ILDR1: variants seen among roughly 807,000 people sequenced by gnomAD.
ILDR1 encodes immunoglobulin-like domain-containing receptor 1.
ILDR1 carries 56 observed loss-of-function variants against 62.4 expected under a neutral mutation model. The observed-to-expected ratio is 0.90, with a 90% CI of 0.72 to 1.12. The LOEUF (loss-of-function observed/expected upper bound fraction) is 1.12, where lower values mean the gene tolerates loss of function less well. Among genes scored for constraint, ILDR1 ranks in the 50% most tolerant of loss-of-function variants. The probability of loss-of-function intolerance (pLI) is 0.00; values close to 1 mark genes in which losing one functional copy is unlikely to be tolerated. For synonymous variants in ILDR1, 284 were observed against 277.8 expected, an observed-to-expected ratio of 1.02 and a Z score of -0.22; for missense variants, 736 against 710.6, an observed-to-expected ratio of 1.04 and a Z score of -0.41.
chr3:122,005,936 C>A (rs1291879666), intron 2 of ILDR1, among the ~76,000 whole-genome samples: 11 of 149,114 alleles, frequency 7.4e-5, no homozygotes, highest in Non-Finnish European at 1.0e-4. Flanking sequence ...AACAAACAAA[C>A]AAAAAAAAAA....
chr3:122,044,525 C>T, the ILDR1 span, among the ~76,000 whole-genome samples: 33,180 of 148,392 alleles, frequency 0.22, 4,122 homozygotes, highest in African/African-American at 0.32. Flanking sequence ...TGGTAGAATT[C>T]GGCTGTGAAT....
At chr3:122,047,923 C>T in the ILDR1 span, among the ~76,000 whole-genome samples, 7 of 152,238 alleles carry the variant, frequency 4.6e-5, no homozygotes, top group African/African-American at 1.4e-4. Context: ...CCTATTCGGC[C>T]ATCTTGGCTC....
chr3:121,993,570 CCTT>C lies in ILDR1; in HGVS notation c.1176_1178del (p.Arg393del), dbSNP rs1187106787. On this transcript the variant is annotated inframe_deletion, in exon 7 of 8. Transcript: ENST00000344209. ...TTCCACTCCACGATGGGTCCAACTC[CCTT>C]CTTTCCAATGCCCAAGACTTTGGCC... 2 of 1,614,244 alleles carry C rather than the reference CCTT, an allele frequency of 1.2e-6. No homozygotes were observed. The highest frequency in any genetic ancestry group is 1.7e-5 in the Admixed American group (1 of 60,032).
At chr3:122,040,367 G>A in the ILDR1 span, among the ~76,000 whole-genome samples, 1 of 151,862 alleles carries the variant, frequency 6.6e-6, no homozygotes, top group Non-Finnish European at 1.5e-5. Context: ...GGGGTTGGAA[G>A]AAGTTGCATA....
At chr3:122,037,252 C>T in the ILDR1 span, among the ~76,000 whole-genome samples, 2 of 152,180 alleles carry the variant, frequency 1.3e-5, no homozygotes, top group Non-Finnish European at 2.9e-5. Context: ...GAATGGTAGG[C>T]CCACCAACAG....
chr3:122,021,710 T>C (rs1189119324), intron 1 of ILDR1, among the ~76,000 whole-genome samples: 2 of 152,222 alleles, frequency 1.3e-5, no homozygotes, highest in Non-Finnish European at 2.9e-5. Flanking sequence ...AGAACGGTGC[T>C]TTTGCCCCTA....
At chr3:122,039,771 T>A in the ILDR1 span, among the ~76,000 whole-genome samples, 1 of 152,056 alleles carries the variant, frequency 6.6e-6, no homozygotes, top group Non-Finnish European at 1.5e-5. Context: ...TATATTTCAA[T>A]GTGCTAAAAG....
intron 1 of ILDR1, among the ~76,000 whole-genome samples, chr3:122,016,181 T>C (rs1365678833): frequency 6.6e-6 from 1 of 152,216 alleles, no homozygotes; most frequent in Non-Finnish European, 1.5e-5. Flanking sequence ...ATGCTATTAC[T>C]TTGGTTTGAA....
At chr3:122,061,305 T>A in the ILDR1 span, among the ~76,000 whole-genome samples, 2 of 152,206 alleles carry the variant, frequency 1.3e-5, no homozygotes, top group Non-Finnish European at 2.9e-5. Flanking sequence ...GGTACTGTGA[T>A]GAATACAAAT....
At chr3:122,037,952 GTC>G in the ILDR1 span, among the ~76,000 whole-genome samples, 82 of 148,956 alleles carry the variant, frequency 5.5e-4, no homozygotes, top group African/African-American at 5.9e-4. Flanking sequence ...CTCTGTCTCT[GTC>G]TCTCTCTCTC....
intron 5 of ILDR1, among the ~76,000 whole-genome samples, chr3:121,995,948 G>T (rs886363552): frequency 3.3e-5 from 5 of 152,170 alleles, no homozygotes; most frequent in African/African-American, 1.2e-4. Flanking sequence ...TTTGTGTGCC[G>T]CACCGCCAAG....
intron 1 of ILDR1, among the ~76,000 whole-genome samples, chr3:122,012,046 A>C (rs2071711920): frequency 6.6e-6 from 1 of 152,238 alleles, no homozygotes; most frequent in Non-Finnish European, 1.5e-5. Flanking sequence ...AAAAGCAGTC[A>C]GATTTTCCAG....
chr3:122,043,318 G>C, the ILDR1 span, among the ~76,000 whole-genome samples: 1 of 151,128 alleles, frequency 6.6e-6, no homozygotes, highest in Non-Finnish European at 1.5e-5. Flanking sequence ...GGTTACTGTA[G>C]CCTTGTAGTA....
At chr3:122,047,635 G>A in the ILDR1 span, among the ~76,000 whole-genome samples, 83 of 152,274 alleles carry the variant, frequency 5.5e-4, no homozygotes, top group Non-Finnish European at 1.0e-3. Flanking sequence ...TTTTTAAGCC[G>A]GTCTGAAAAG....
chr3:122,057,372 G>A, the ILDR1 span, among the ~76,000 whole-genome samples: 1 of 152,144 alleles, frequency 6.6e-6, no homozygotes, highest in Non-Finnish European at 1.5e-5. Context: ...CAAGTGATTG[G>A]ATGATTATGG....
rs1470700694 is a variant in ILDR1, at chr3:121,994,297, G to A, written c.663C>T (p.Arg221=). 2.6e-6 allele frequency: 4 copies of A among 1,535,082 alleles called. No individual in the cohort carries two copies. In the African/African-American group the frequency reaches 5.5e-5, roughly 21 times the overall value. ...CCPEEALARH[R]YMKQAQALGP... is the part of the protein sequence containing the mutation. ...CTAGGGCCTGGGCCTGCTTCATGTA[G>A]CGGTGGCGGGCCAGGGCTGCAGGGA... The change falls in exon 6 of 8, where the codon CGC becomes CGT. Residue 221 remains arginine, a synonymous_variant. Transcript: ENST00000344209.
the ILDR1 span, among the ~76,000 whole-genome samples, chr3:122,046,049 G>T: frequency 6.7e-6 from 1 of 148,176 alleles, no homozygotes; most frequent in African/African-American, 2.5e-5. Context: ...TTTTGCAGCG[G>T]CTGGTACCGG....
the ILDR1 span, among the ~76,000 whole-genome samples, chr3:122,041,755 T>C: frequency 6.6e-6 from 1 of 152,130 alleles, no homozygotes; most frequent in African/African-American, 2.4e-5. Context: ...TGTGTTGATT[T>C]CGTATCTTGC....
At chr3:122,059,573 T>C in the ILDR1 span, among the ~76,000 whole-genome samples, 3 of 149,412 alleles carry the variant, frequency 2.0e-5, no homozygotes, top group African/African-American at 4.9e-5. Flanking sequence ...AGTGGGGAGA[T>C]GGATGCAAGA....
Sources: gnomAD v4.1 joint callset for allele counts (sites outside exome capture counted in the v4.1 genomes callset) on GRCh38, gnomAD v4.1.1 for gene constraint, MANE v1.5 for transcripts, NCBI Gene and HGNC (gene_info 2026-07-23, HGNC 2026-07-21) for gene names.